STARD9: variants seen among roughly 807,000 people sequenced by gnomAD.
The protein encoded by STARD9 is StAR related lipid transfer domain containing 9, also known as stAR-related lipid transfer protein 9.
In STARD9, 346 loss-of-function variants were observed where a neutral mutation model predicts 399.8. The ratio of observed to expected loss-of-function variants is 0.87; its 90% confidence interval spans 0.79 to 0.95. STARD9 has a LOEUF of 0.95. STARD9 is among the 40% of genes least tolerant of loss of function. The pLI is 0.00. For missense variants in STARD9, 5,832 were observed against 5,667.5 expected (o/e 1.03, Z -0.93); for synonymous variants, 2,203 against 2,143.5 (o/e 1.03, Z -0.77).
At position 42,695,226 on chromosome 15, in the gene STARD9, C is replaced by G; in HGVS notation, c.13049C>G (p.Ala4350Gly). 1 of 1,537,146 alleles carries G rather than the reference C, an allele frequency of 6.5e-7. No homozygotes were observed. Among genetic ancestry groups the G allele is most frequent in the South Asian group, 1.2e-5 (1 of 84,048 alleles). Residue 4350 changes from alanine (A) to glycine (G), a missense_variant, in exon 25 of 33, where the codon GCC becomes GGC. By Grantham distance (60) the Ala-to-Gly change is moderately conservative. This residue lies in a region of STARD9 where 5,828 missense variants were observed against 5,651.1 expected (regional missense o/e 1.03). Transcript: ENST00000290607. Reference sequence around the variant, plus strand: ...GACTACCAGCAGGCCCATGAGGAGGCCAAGGTGGAGATTGCCCGGGCCCGA... The same window carrying G: ...GACTACCAGCAGGCCCATGAGGAGGGCAAGGTGGAGATTGCCCGGGCCCGA... ...LQDYQQAHEEAKVEIARARDQ... is the reference protein window; with the variant it reads ...LQDYQQAHEEGKVEIARARDQ...
In STARD9 at chr15:42,719,424, A is replaced by G. The variant is rs752293949; in HGVS notation, c.14002-49A>G. On this transcript the variant is annotated intron_variant, in intron 32 of 32. Coordinates refer to ENST00000290607, the MANE Select transcript of STARD9 (RefSeq NM_020759.3). ...TCCATGGGACTGGAGTACGCCTGGC[A>G]TTCTCTCAAATCTATTTGCACCTTA... is the stretch of plus-strand genomic sequence containing the variant. 1.6e-4 allele frequency: 194 copies of G among 1,241,922 alleles called. No homozygotes were observed. The African/African-American group carries it at 2.5e-3, about 16-fold the overall frequency. 76.9% of individuals were successfully genotyped at this position (1,241,922 alleles called of 1,614,324 possible).
intron 26 of STARD9, among the ~76,000 whole-genome samples, chr15:42,699,825 G>C (rs2140329711): frequency 6.6e-6 from 1 of 152,142 alleles, no homozygotes; most frequent in East Asian, 1.9e-4. Flanking sequence ...TCATGCCTCA[G>C]CTTCCCAAGT....
In STARD9 at chr15:42,607,277, A is replaced by T. The variant is rs1034640435; in HGVS notation, c.234+21640A>T. On this transcript the variant is annotated intron_variant, in intron 3 of 32. Transcript: ENST00000290607. Reference sequence around the variant, plus strand: ...GAGTACAGTGGTGCGATCTCAGTTCACTACAACCTTCGCCTCCTGGGTTCA... The same window carrying T: ...GAGTACAGTGGTGCGATCTCAGTTCTCTACAACCTTCGCCTCCTGGGTTCA... Among the ~76,000 whole-genome samples, 7 of 134,828 alleles carry T rather than the reference A, an allele frequency of 5.2e-5. No individual in the cohort carries two copies. In the East Asian group the frequency reaches 1.5e-3, roughly 30 times the overall value. The allele number at this position is 134,828 out of a possible 152,430, so 88.5% of individuals were successfully genotyped here.
Position 42,689,061 on chromosome 15 carries a change from G to T in STARD9, c.7483G>T (p.Glu2495Ter). 1 of 1,537,282 alleles carries T rather than the reference G, an allele frequency of 6.5e-7. No individual in the cohort carries two copies. Among genetic ancestry groups the T allele is most frequent in the Non-Finnish European group, 8.7e-7 (1 of 1,146,920 alleles). Residue 2495 changes from glutamate (E) to a stop codon, truncating the protein, a stop_gained, in exon 23 of 33, where the codon GAA (glutamate) becomes TAA (stop). Coordinates refer to ENST00000290607, the MANE Select transcript of STARD9 (RefSeq NM_020759.3). LOFTEE classifies it high-confidence loss of function. ...TGAAAAGAGGGTCAGCTTCTCCTTG[G>T]AAGAGGATAGTGACCAAGCCAGCAA... is the stretch of plus-strand genomic sequence containing the variant. ...QPEKRVSFSL[E>*]EDSDQASKPR...
Position 42,705,810 on chromosome 15 carries a change from G to A in STARD9, c.13284+9930G>A, listed in dbSNP as rs559890647. On this transcript the variant is annotated intron_variant, in intron 26 of 32. Coordinates refer to ENST00000290607, the MANE Select transcript of STARD9 (RefSeq NM_020759.3). ...CTCTCTCACTCGGGCTGGAGTGCAG[G>A]GGCGTGATCTCAGCTTACTGCAACC... Among the ~76,000 whole-genome samples, 7 of 151,528 alleles carry A rather than the reference G, an allele frequency of 4.6e-5. No homozygotes were observed. The East Asian group carries it at 1.4e-3, about 30-fold the overall frequency.
intron 26 of STARD9, among the ~76,000 whole-genome samples, chr15:42,710,416 T>G (rs979118521): frequency 3.9e-5 from 6 of 152,124 alleles, no homozygotes; most frequent in African/African-American, 1.4e-4. Flanking sequence ...GGCTTTAGTA[T>G]ATTCATAGAG....
At chr15:42,715,346 G>C (rs1478798756) in intron 26 of STARD9, among the ~76,000 whole-genome samples, 1 of 152,110 alleles carries the variant, frequency 6.6e-6, no homozygotes, top group African/African-American at 2.4e-5. Flanking sequence ...GTTGCAAGAA[G>C]CTTATCTGTG....
At chr15:42,710,913 CTG>C (rs67998439) in intron 26 of STARD9, among the ~76,000 whole-genome samples, 42,729 of 144,500 alleles carry the variant, frequency 0.3, 7,803 homozygotes, top group African/African-American at 0.58. Context: ...CTCTCTCTCT[CTG>C]TGTGTGTGTG....
chr15:42,696,442 C>T (rs2060848406), intron 26 of STARD9, among the ~76,000 whole-genome samples: 1 of 152,014 alleles, frequency 6.6e-6, no homozygotes, highest in Non-Finnish European at 1.5e-5. Flanking sequence ...ATGTAAAGAG[C>T]GAGATGGGAA....
chr15:42,595,936 C>T (rs1455160407), intron 3 of STARD9, among the ~76,000 whole-genome samples: 1 of 152,122 alleles, frequency 6.6e-6, no homozygotes, highest in Non-Finnish European at 1.5e-5. Flanking sequence ...TTTTTTCCGT[C>T]TTTAGAAACT....
intron 3 of STARD9, among the ~76,000 whole-genome samples, chr15:42,613,866 G>A (rs1595636534): frequency 6.6e-6 from 1 of 152,210 alleles, no homozygotes; most frequent in African/African-American, 2.4e-5. Context: ...TCGGGAGGTT[G>A]AGGGAGGAGG....
chr15:42,663,484 G>A lies in STARD9; in HGVS notation c.1072G>A (p.Val358Ile), dbSNP rs1020905146. Residue 358 changes from valine (V) to isoleucine (I), a missense_variant, in exon 12 of 33, where the codon GTT (valine) becomes ATT (isoleucine). This residue lies in a region of STARD9 where 5,828 missense variants were observed against 5,651.1 expected (regional missense o/e 1.03). Transcript: ENST00000290607. ...TGGAGGCAACTCTAAAACCATCATG[G>A]TTGCCAGTGAGTGGGATGCCAGAGC... The part of the protein sequence containing the change: ...SLGGNSKTIM[V>I]ATVSPAHTSY... 5 of 1,537,330 alleles carry A rather than the reference G, an allele frequency of 3.3e-6. No homozygotes were observed. Among genetic ancestry groups the A allele is most frequent in the Admixed American group, 2.0e-5 (1 of 50,994 alleles).
chr15:42,681,478 C>G lies in STARD9; in HGVS notation c.1931C>G (p.Thr644Arg). ...CATCAGACACCGAGGGATGGAGAGA[C>G]ATCCCACAGGGCCCAGATTCAGCAG... ...EDHQTPRDGETSHRAQIQQQQ... is the reference protein window; with the variant it reads ...EDHQTPRDGERSHRAQIQQQQ... Residue 644 changes from threonine (T) to arginine (R), a missense_variant, in exon 21 of 33, where the codon ACA (threonine) becomes AGA (arginine). This residue lies in a region of STARD9 where 5,828 missense variants were observed against 5,651.1 expected (regional missense o/e 1.03). Transcript: ENST00000290607. 1 of 1,537,190 alleles carries G rather than the reference C, an allele frequency of 6.5e-7. No homozygotes were observed. Among genetic ancestry groups the G allele is most frequent in the Non-Finnish European group, 8.7e-7 (1 of 1,146,888 alleles).
In STARD9 at chr15:42,693,268, C is replaced by T; in HGVS notation, c.11690C>T (p.Ala3897Val). ...ACAAGTGCTTTGTTCGTGGACAGGG[C>T]CTCCTCCCCAATCCTCACTCTTAGT... is the stretch of plus-strand genomic sequence containing the variant. The part of the protein sequence containing the change: ...GPTSALFVDR[A>V]SSPILTLSAS... The change falls in exon 23 of 33, where the codon GCC (alanine) becomes GTC (valine). Residue 3897 changes from alanine to valine, a missense_variant. By Grantham distance (64) the Ala-to-Val change is moderately conservative (BLOSUM62 0). Transcript: ENST00000290607. 1 of 1,537,032 alleles carries T rather than the reference C, an allele frequency of 6.5e-7. No individual in the cohort carries two copies.
chr15:42,641,697 C>G (rs1463691662), intron 7 of STARD9, among the ~76,000 whole-genome samples: 1 of 152,022 alleles, frequency 6.6e-6, no homozygotes, highest in Non-Finnish European at 1.5e-5. Flanking sequence ...CTCCACCTCC[C>G]AGGTTCAAGC....
chr15:42,651,120 C>T, intron 8 of STARD9, 35 bp downstream of exon 8: 2 of 1,394,846 alleles, frequency 1.4e-6, no homozygotes, highest in African/African-American at 1.4e-5. Context: ...ATTCTTTTAT[C>T]CTCACACTCC....
intron 7 of STARD9, among the ~76,000 whole-genome samples, chr15:42,648,134 G>GTATTCCCTC (rs2059682671): frequency 6.7e-6 from 1 of 149,150 alleles, no homozygotes. Flanking sequence ...CCTCTAGTGT[G>GTATTCCCTC]GATCTGCTAT....
intron 26 of STARD9, among the ~76,000 whole-genome samples, chr15:42,708,086 G>A (rs1187037056): frequency 1.3e-5 from 2 of 151,930 alleles, no homozygotes; most frequent in African/African-American, 2.4e-5. Context: ...CTGGGAAGTC[G>A]AGGCTGTGGT....
chr15:42,597,431 G>C (rs975617422), intron 3 of STARD9, among the ~76,000 whole-genome samples: 1 of 152,064 alleles, frequency 6.6e-6, no homozygotes, highest in African/African-American at 2.4e-5. Context: ...GCAGTGGTGC[G>C]GTCTCAGCTC....
Sources: allele counts gnomAD v4.1 joint callset (sites outside exome capture counted in the v4.1 genomes callset), GRCh38; gene constraint gnomAD v4.1.1; regional missense constraint gnomAD v4.1.1; transcripts MANE v1.5; gene names NCBI Gene and HGNC (gene_info 2026-07-23, HGNC 2026-07-21).